The following KLHL6 variants were observed in gnomAD, a reference collection of about 807,000 sequenced individuals.
The protein encoded by KLHL6 is kelch like family member 6, also known as kelch-like protein 6.
A neutral mutation model predicts 58.6 loss-of-function variants in KLHL6; 41 were observed. The observed-to-expected ratio is 0.70, with a 90% CI of 0.55 to 0.91. The LOEUF is 0.91. KLHL6 is among the 40% of genes least tolerant of loss of function. The pLI is 0.00. For missense variants in KLHL6, 714 were observed against 805.6 expected (o/e 0.89, Z 1.38); for synonymous variants, 338 against 322.7 (o/e 1.05, Z -0.51).
rs185412511 is a variant in KLHL6, at chr3:183,528,948, C to G, written c.294-938G>C. Reference sequence around the variant, plus strand: ...TAAAGAAAATGTGGTACATAAACACCATGGAATACTACGCAGCCATAAAAA... The same window carrying G: ...TAAAGAAAATGTGGTACATAAACACGATGGAATACTACGCAGCCATAAAAA... On this transcript the variant is annotated intron_variant, in intron 1 of 6. Transcript: ENST00000341319. Among the ~76,000 whole-genome samples the G allele has an allele frequency of 5.3e-5, 8 of 152,262 alleles. No individual in the cohort carries two copies. The East Asian group carries it at 1.3e-3, about 26-fold the overall frequency.
chr3:183,497,625 T>C (rs1321930599), intron 4 of KLHL6, among the ~76,000 whole-genome samples: 2 of 152,134 alleles, frequency 1.3e-5, no homozygotes, highest in Non-Finnish European at 2.9e-5. Flanking sequence ...CTGAGGCTTT[T>C]ATGAGCAGGT....
chr3:183,508,516 A>G lies in KLHL6; in HGVS notation c.460-8T>C, dbSNP rs1283022156. 1.2e-6 allele frequency: 2 copies of G among 1,609,698 alleles called. No individual in the cohort carries two copies. The highest frequency in any genetic ancestry group is 1.7e-6 in the Non-Finnish European group (2 of 1,177,604). ...ATCCACCATCCGCAGGAACTGATGA[A>G]ATAGAAAGGGTGGAAAGGAGGCCAG... On this transcript the variant is annotated splice_polypyrimidine_tract_variant and splice_region_variant and intron_variant, in intron 2 of 6. Transcript: ENST00000341319.
At position 183,490,432 on chromosome 3, in the gene KLHL6, C is replaced by T. The variant is rs1717510705; in HGVS notation, c.*1495G>A. 1 of 151,916 alleles carries T rather than the reference C, an allele frequency of 6.6e-6. No homozygotes were observed. The highest frequency in any genetic ancestry group is 6.6e-5 in the Admixed American group (1 of 15,256). The allele number at this position is 151,916 out of a possible 1,614,324, so 9.4% of individuals were successfully genotyped here. A position where few individuals can be genotyped will look rare whatever the true frequency, so the allele number is the denominator to read the frequency against. ...GTACAACTGGTGAACACTAAGAGGCCAGGGCACCAGAATGTGCTAAAGGTA... is the reference window on the plus strand; with the variant it reads ...GTACAACTGGTGAACACTAAGAGGCTAGGGCACCAGAATGTGCTAAAGGTA... On this transcript the variant is annotated 3_prime_UTR_variant, in exon 7 of 7. Transcript: ENST00000341319.
intron 1 of KLHL6, among the ~76,000 whole-genome samples, chr3:183,538,375 C>T (rs1177309926): frequency 6.6e-6 from 1 of 152,188 alleles, no homozygotes; most frequent in Admixed American, 6.5e-5. Context: ...TATCTCACTC[C>T]TACACCGGCT....
chr3:183,552,509 G>C (rs1174222315), intron 1 of KLHL6, among the ~76,000 whole-genome samples: 1 of 151,890 alleles, frequency 6.6e-6, no homozygotes, highest in East Asian at 1.9e-4. Flanking sequence ...TCGAGGTCAG[G>C]AGATGGAGAC....
intron 1 of KLHL6, among the ~76,000 whole-genome samples, chr3:183,539,594 A>G (rs1712483211): frequency 6.6e-6 from 1 of 151,890 alleles, no homozygotes; most frequent in Admixed American, 6.6e-5. Flanking sequence ...CTGTAATCTC[A>G]GCTTCTCGGG....
intron 1 of KLHL6, among the ~76,000 whole-genome samples, chr3:183,554,245 G>A (rs957673579): frequency 1.3e-5 from 2 of 152,130 alleles, no homozygotes; most frequent in East Asian, 1.9e-4. Context: ...CCCCAGGGAC[G>A]TGCTCATGGG....
intron 1 of KLHL6, among the ~76,000 whole-genome samples, chr3:183,535,275 G>A (rs990417307): frequency 1.3e-5 from 2 of 152,178 alleles, no homozygotes; most frequent in Non-Finnish European, 2.9e-5. Context: ...GCATCTCAGT[G>A]CAGAGTAGGC....
At chr3:183,552,855 C>A (rs772000387) in intron 1 of KLHL6, among the ~76,000 whole-genome samples, 4 of 152,144 alleles carry the variant, frequency 2.6e-5, no homozygotes, top group Non-Finnish European at 5.9e-5. Flanking sequence ...TAACGTCAGT[C>A]CTAGGTCTAA....
rs1717978047 is a variant in KLHL6 at position 183,505,594 on chromosome 3, GA to G, written c.909+2464del. ...CAATAGAGAAAATCAAATGAAACTA[GA>G]CATTAGTTATTTGAGAAAAATCAAT... On this transcript the variant is annotated intron_variant, in intron 3 of 6. Coordinates refer to ENST00000341319, the MANE Select transcript of KLHL6 (RefSeq NM_130446.4). Among the ~76,000 whole-genome samples, 3 of 150,942 alleles carry G rather than the reference GA, an allele frequency of 2.0e-5. No individual in the cohort carries two copies. The South Asian group carries it at 6.3e-4, about 32-fold the overall frequency.
rs867547529 is a variant in KLHL6 at position 183,492,428 on chromosome 3, T to C, written c.1564+66A>G. ...GCTGGAGACACCGCGACACACCGTT[T>C]ACGTGCTGCAGCCAGGCGCTCATCA... On this transcript the variant is annotated intron_variant, in intron 6 of 6. Transcript: ENST00000341319. The surrounding 1 kb of genome is among the most constrained non-coding windows in gnomAD (Gnocchi z 5.9). 1.3e-6 allele frequency: 2 copies of C among 1,560,516 alleles called. No individual in the cohort carries two copies. The highest frequency in any genetic ancestry group is 3.4e-4 in the Middle Eastern group (2 of 5,906).
chr3:183,537,798 A>G (rs780541144), intron 1 of KLHL6, among the ~76,000 whole-genome samples: 6 of 151,544 alleles, frequency 4.0e-5, no homozygotes, highest in Admixed American at 6.6e-5. Context: ...TAAAATCGCC[A>G]CTCCCTCACC....
rs1553813941 is a variant in KLHL6, at chr3:183,542,892, A to ATGGATGGG, written c.293+12468_293+12469insCCCATCCA. Among the ~76,000 whole-genome samples the ATGGATGGG allele has an allele frequency of 6.0e-4, 89 of 149,508 alleles. 1 individual carries two copies. Among genetic ancestry groups the ATGGATGGG allele is most frequent in the Non-Finnish European group, 9.3e-4 (63 of 67,986 alleles). ...GATGGATGGATGGATGGATGGATGGATGGATGGATGGACAGATGGATGGAA... is the reference window on the plus strand; with the variant it reads ...GATGGATGGATGGATGGATGGATGGATGGATGGGTGGATGGATGGACAGATGGATGGAA... On this transcript the variant is annotated intron_variant, in intron 1 of 6. Coordinates refer to ENST00000341319, the MANE Select transcript of KLHL6 (RefSeq NM_130446.4).
intron 3 of KLHL6, among the ~76,000 whole-genome samples, chr3:183,502,700 A>G (rs977128130): frequency 5.3e-5 from 8 of 152,138 alleles, no homozygotes; most frequent in Non-Finnish European, 1.0e-4. Context: ...TGAATCTCAT[A>G]ATGAACTTTG....
intron 2 of KLHL6, 142 bp from the exon 3 acceptor site, chr3:183,508,650 C>T (rs2108674895): frequency 3.0e-6 from 2 of 659,716 alleles, no homozygotes; most frequent in East Asian, 5.5e-5. Flanking sequence ...ACATATAATT[C>T]ATTCATACAG....
chr3:183,553,775 A>G (rs1431724484), intron 1 of KLHL6, among the ~76,000 whole-genome samples: 1 of 151,810 alleles, frequency 6.6e-6, no homozygotes, highest in Non-Finnish European at 1.5e-5. Context: ...TCATTTCCTC[A>G]TCTGTGAAAT....
chr3:183,550,990 G>A (rs868533257), intron 1 of KLHL6, among the ~76,000 whole-genome samples: 5 of 151,798 alleles, frequency 3.3e-5, no homozygotes, highest in African/African-American at 9.7e-5. Flanking sequence ...GCGTGGTGGC[G>A]GGCGCCTGTA....
rs549997768 is a variant in KLHL6, at chr3:183,488,476, C to G, written c.*3451G>C. 1 of 152,940 alleles carries G rather than the reference C, an allele frequency of 6.5e-6. No individual in the cohort carries two copies. The highest frequency in any genetic ancestry group is 2.4e-5 in the African/African-American group (1 of 41,582). 9.5% of individuals were successfully genotyped at this position (152,940 alleles called of 1,614,324 possible). A position where few individuals can be genotyped will look rare whatever the true frequency, so the allele number is the denominator to read the frequency against. The stretch of plus-strand genomic sequence containing the variant: ...CCGATATCATTTTCCAGACCTGCAT[C>G]CTTGGAACCTGACCTCCTCCTACCC... On this transcript the variant is annotated 3_prime_UTR_variant, in exon 7 of 7. Transcript: ENST00000341319.
chr3:183,490,145 T>C lies in KLHL6; in HGVS notation c.*1782A>G, dbSNP rs919654102. ...CATTTGAAAGCTGTAGCTCTTACAG[T>C]GAAGGACAGATTCTGTTCTTTAAGT... is the stretch of plus-strand genomic sequence containing the variant. On this transcript the variant is annotated 3_prime_UTR_variant, in exon 7 of 7. Transcript: ENST00000341319. 2 of 152,314 alleles carry C rather than the reference T, an allele frequency of 1.3e-5. No individual in the cohort carries two copies. Among genetic ancestry groups the C allele is most frequent in the Non-Finnish European group, 2.9e-5 (2 of 68,030 alleles). 9.4% of individuals were successfully genotyped at this position (152,314 alleles called of 1,614,324 possible).
Sources: gnomAD v4.1 joint callset for allele counts (sites outside exome capture counted in the v4.1 genomes callset) on GRCh38, gnomAD v4.1.1 for gene constraint, Gnocchi (gnomAD v3.1) non-coding constraint, MANE v1.5 for transcripts, NCBI Gene and HGNC (gene_info 2026-07-23, HGNC 2026-07-21) for gene names.